SLCO1C1: variants seen among roughly 807,000 people sequenced by gnomAD.
SLCO1C1 encodes the protein solute carrier organic anion transporter family member 1C1.
SLCO1C1 carries 70 observed loss-of-function variants against 76.4 expected under a neutral mutation model. That is an observed-to-expected ratio of 0.92 (90% CI 0.76 to 1.12). SLCO1C1 has a LOEUF of 1.12. SLCO1C1 is among the 50% of genes most tolerant of loss of function. SLCO1C1 has a pLI of 0.00. For synonymous variants in SLCO1C1, 306 were observed against 286.1 expected (o/e 1.07, Z -0.70); for missense variants, 912 against 823.8 (o/e 1.11, Z -1.31).
chr12:20,731,845 G>A (rs1326557688), intron 9 of SLCO1C1, among the ~76,000 whole-genome samples: 5 of 150,044 alleles, frequency 3.3e-5, no homozygotes, highest in Admixed American at 3.3e-4. Context: ...TAAATCGAAT[G>A]GATAGAAATT....
intron 3 of SLCO1C1, among the ~76,000 whole-genome samples, chr12:20,701,827 T>G (rs1467254784): frequency 2.0e-5 from 3 of 151,946 alleles, no homozygotes. Context: ...GATTCAATTT[T>G]AGAGGTGTGG....
intron 3 of SLCO1C1, among the ~76,000 whole-genome samples, chr12:20,703,378 C>T (rs555392422): frequency 4.0e-5 from 6 of 148,528 alleles, no homozygotes; most frequent in South Asian, 2.2e-4. Context: ...AATATAATTT[C>T]GTATCTTTCT....
chr12:20,742,873 A>G (rs1257515845), intron 12 of SLCO1C1, among the ~76,000 whole-genome samples: 1 of 151,880 alleles, frequency 6.6e-6, no homozygotes, highest in South Asian at 2.1e-4. Context: ...AACTTTTATC[A>G]TGCCACAGTG....
chr12:20,696,315 T>G (rs1946263306), intron 1 of SLCO1C1, among the ~76,000 whole-genome samples: 1 of 151,940 alleles, frequency 6.6e-6, no homozygotes. Flanking sequence ...GGACAGAGGT[T>G]TTCCTCACAG....
chr12:20,727,059 A>G (rs947309406), intron 9 of SLCO1C1, among the ~76,000 whole-genome samples: 1 of 152,202 alleles, frequency 6.6e-6, no homozygotes, highest in African/African-American at 2.4e-5. Flanking sequence ...CTATGACTGC[A>G]TAGTATTCTG....
chr12:20,703,008 T>C (rs1320525671), intron 3 of SLCO1C1, among the ~76,000 whole-genome samples: 1 of 151,870 alleles, frequency 6.6e-6, no homozygotes, highest in Non-Finnish European at 1.5e-5. Flanking sequence ...CAGAAAACCA[T>C]GACTCCAAAT....
chr12:20,737,813 T>C (rs894408826), intron 11 of SLCO1C1, among the ~76,000 whole-genome samples: 19 of 152,104 alleles, frequency 1.2e-4, no homozygotes, highest in African/African-American at 3.1e-4. Context: ...AGGGTTTCCA[T>C]AGGGCAGAAG....
chr12:20,726,180 C>T (rs759342064), intron 9 of SLCO1C1, among the ~76,000 whole-genome samples: 7 of 151,670 alleles, frequency 4.6e-5, no homozygotes, highest in Non-Finnish European at 1.0e-4. Context: ...ATAGTAAATG[C>T]GTATATCTGT....
In SLCO1C1 at chr12:20,723,197, C is replaced by A. The variant is rs1213430520; in HGVS notation, c.1129C>A (p.Pro377Thr). 1 of 1,614,114 alleles carries A rather than the reference C, an allele frequency of 6.2e-7. No homozygotes were observed. Among genetic ancestry groups the A allele is most frequent in the Admixed American group, 1.7e-5 (1 of 60,014 alleles). Residue 377 changes from proline to threonine, a missense_variant, in exon 9 of 15, where the codon CCA becomes ACA. Pro to Thr is a conservative substitution (Grantham distance 38, BLOSUM62 -1). Coordinates refer to ENST00000266509, the MANE Select transcript of SLCO1C1 (RefSeq NM_017435.5). ...TCTGTTCGGCATGGTGACGTACAAA[C>A]CAAAGTACATTGAGCAGCAGTATGG... is the stretch of plus-strand genomic sequence containing the variant. ...NSLFGMVTYK[P>T]KYIEQQYGQS...
chr12:20,728,032 A>G (rs1328397945), intron 9 of SLCO1C1, among the ~76,000 whole-genome samples: 1 of 152,170 alleles, frequency 6.6e-6, no homozygotes, highest in Non-Finnish European at 1.5e-5. Flanking sequence ...TAATTAATTT[A>G]TCAATTTTTG....
intron 13 of SLCO1C1, among the ~76,000 whole-genome samples, chr12:20,746,424 G>T (rs1641751650): frequency 6.6e-6 from 1 of 151,698 alleles, no homozygotes; most frequent in Non-Finnish European, 1.5e-5. Context: ...AGTCAATTAA[G>T]GAAAATTCCT....
chr12:20,719,103 T>TTATTAC (rs1947525971), intron 7 of SLCO1C1, among the ~76,000 whole-genome samples: 1 of 145,426 alleles, frequency 6.9e-6, no homozygotes. Flanking sequence ...GCTTTTACTA[T>TTATTAC]TATTATTATT....
In SLCO1C1 at chr12:20,743,294, G is replaced by C; in HGVS notation, c.1734-11G>C. 6.2e-7 allele frequency: 1 copy of C among 1,610,908 alleles called. No homozygotes were observed. The highest frequency in any genetic ancestry group is 1.1e-5 in the South Asian group (1 of 90,838). Reference sequence around the variant, plus strand: ...ATATATTTCTTGTAATGGTGCTTTTGTTGATTTTAGGTGCATTAAGCCACA... The same window carrying C: ...ATATATTTCTTGTAATGGTGCTTTTCTTGATTTTAGGTGCATTAAGCCACA... On this transcript the variant is annotated splice_polypyrimidine_tract_variant and intron_variant, in intron 12 of 14. Transcript: ENST00000266509.
Position 20,717,108 on chromosome 12 carries a change from TTTCC to T in SLCO1C1, c.677-21_677-18del. On this transcript the variant is annotated intron_variant, in intron 6 of 14. Coordinates refer to ENST00000266509, the MANE Select transcript of SLCO1C1 (RefSeq NM_017435.5). The stretch of plus-strand genomic sequence containing the variant: ...AGTAAAGAAATGACAGCTTTTTTTT[TTTCC>T]TTTTCTTTTCTTGGTGCAGGGTGTG... 2 of 1,547,234 alleles carry T rather than the reference TTTCC, an allele frequency of 1.3e-6. No homozygotes were observed. The highest frequency in any genetic ancestry group is 1.8e-6 in the Non-Finnish European group (2 of 1,133,790).
At chr12:20,696,698 C>A (rs1946284078) in intron 1 of SLCO1C1, 1 of 152,020 alleles carries the variant, frequency 6.6e-6, no homozygotes, top group Admixed American at 6.6e-5. Flanking sequence ...TAAGGATTTG[C>A]CAAATGCAAA....
intron 10 of SLCO1C1, among the ~76,000 whole-genome samples, chr12:20,735,685 C>T (rs1948503940): frequency 6.6e-6 from 1 of 151,990 alleles, no homozygotes; most frequent in Non-Finnish European, 1.5e-5. Context: ...TTTGAGGTGA[C>T]AAAATTCATC....
intron 3 of SLCO1C1, 79 bp downstream of exon 3, chr12:20,701,538 A>G (rs1350611304): frequency 1.8e-5 from 17 of 954,596 alleles, no homozygotes; most frequent in East Asian, 1.6e-4. Context: ...TCTGCATTCT[A>G]TTGTCTGCTG....
chr12:20,703,562 A>C (rs1163764646), intron 3 of SLCO1C1, among the ~76,000 whole-genome samples: 4 of 151,812 alleles, frequency 2.6e-5, no homozygotes, highest in Non-Finnish European at 4.4e-5. Context: ...GTTTTGATAG[A>C]TACACTTTAA....
intron 1 of SLCO1C1, chr12:20,697,609 C>G (rs1172663432): frequency 2.6e-5 from 4 of 151,896 alleles, no homozygotes; most frequent in African/African-American, 9.7e-5. Flanking sequence ...TTTTTTAAAT[C>G]AGTAATAGAT....
Sources: gnomAD v4.1 joint callset for allele counts (sites outside exome capture counted in the v4.1 genomes callset) on GRCh38, gnomAD v4.1.1 for gene constraint, MANE v1.5 for transcripts, NCBI Gene and HGNC (gene_info 2026-07-23, HGNC 2026-07-21) for gene names.